The following VPS37D variants were observed in gnomAD, a reference collection of about 807,000 sequenced individuals.
The protein encoded by VPS37D is vacuolar protein sorting-associated protein 37D.
A neutral mutation model predicts 22.0 loss-of-function variants in VPS37D; 5 were observed. That is an observed-to-expected ratio of 0.23 (90% confidence interval 0.12 to 0.48). The LOEUF (loss-of-function observed/expected upper bound fraction) is 0.48, where lower values mean the gene tolerates loss of function less well. VPS37D is among the 20% of genes least tolerant of loss of function. The pLI is 0.99. For missense variants in VPS37D, 384 were observed against 345.8 expected (o/e 1.11, Z -0.88); for synonymous variants, 174 against 159.3 (o/e 1.09, Z -0.69).
upstream of VPS37D, among the ~76,000 whole-genome samples, chr7:73,667,639 T>G (rs1797405135): frequency 6.6e-6 from 1 of 151,690 alleles, no homozygotes. Context: ...CCAGGGCCGG[T>G]GCTGGGGCGC....
intron 3 of VPS37D, among the ~76,000 whole-genome samples, chr7:73,670,384 G>T (rs1797480478): frequency 1.3e-5 from 2 of 152,206 alleles, no homozygotes; most frequent in African/African-American, 4.8e-5. Context: ...TGCTGGGTTG[G>T]GAGTGCAGCG....
intron 3 of VPS37D, 137 bp from the exon 4 acceptor site, chr7:73,670,877 A>G: frequency 1.6e-6 from 2 of 1,265,840 alleles, no homozygotes; most frequent in Non-Finnish European, 2.1e-6. Flanking sequence ...AGGCAGGCCC[A>G]GGCTGGAACG....
chr7:73,670,024 A>C lies in VPS37D; in HGVS notation c.315A>C (p.Glu105Asp), dbSNP rs782135250. 2.1e-5 allele frequency: 32 copies of C among 1,551,454 alleles called. No homozygotes were observed. Among genetic ancestry groups the C allele is most frequent in the Non-Finnish European group, 2.8e-5 (32 of 1,146,944 alleles). Residue 105 changes from glutamate (E) to aspartate (D), a missense_variant, in exon 3 of 4, where the codon GAA becomes GAC. Transcript: ENST00000324941. ...CTGTCCCTCTGTGGCCCTCAGAGGA[A>C]AGCATGCATCGCTGGAGTCCCCACT... ...NCADKLQRLE[E>D]SMHRWSPHCA...
intron 1 of VPS37D, 42 bp from the exon 2 acceptor site, chr7:73,669,377 C>A: frequency 6.6e-7 from 1 of 1,512,594 alleles, no homozygotes. Context: ...GTGGACAGGG[C>A]AGATCCCCTG....
intron 1 of VPS37D, among the ~76,000 whole-genome samples, chr7:73,668,834 T>C (rs1360461697): frequency 1.3e-5 from 2 of 151,248 alleles, no homozygotes; most frequent in Admixed American, 6.6e-5. Flanking sequence ...AGGGGGTGTG[T>C]ATTCCTTGGG....
chr7:73,668,791 C>G (rs1797439653), intron 1 of VPS37D, among the ~76,000 whole-genome samples: 1 of 151,594 alleles, frequency 6.6e-6, no homozygotes, highest in African/African-American at 2.4e-5. Flanking sequence ...TCTCCAGGGC[C>G]GGGGCTGCTG....
Position 73,669,511 on chromosome 7 carries a change from G to C in VPS37D, c.231G>C (p.Met77Ile). The C allele has an allele frequency of 6.3e-7, 1 of 1,583,890 alleles. No individual in the cohort carries two copies. The highest frequency in any genetic ancestry group is 8.6e-7 in the Non-Finnish European group (1 of 1,165,254). The change falls in exon 2 of 4, where the codon ATG (methionine) becomes ATC (isoleucine). Residue 77 changes from methionine to isoleucine, a missense_variant. Coordinates refer to ENST00000324941, the MANE Select transcript of VPS37D (RefSeq NM_001077621.2). ...TGGCCCTGCGGCCCCGCCTGGAGAT[G>C]GGCCGGGCTGCCCTGGCCATCAAAT... ...ENLALRPRLE[M>I]GRAALAIKYQ...
chr7:73,666,271 C>T (rs1554608610), upstream of VPS37D, among the ~76,000 whole-genome samples: 1 of 152,132 alleles, frequency 6.6e-6, no homozygotes, highest in African/African-American at 2.4e-5. Flanking sequence ...CCATGAACTC[C>T]CTGAGGGCAG....
In VPS37D at chr7:73,668,048, G is replaced by C. The variant is rs782471043; in HGVS notation, c.90G>C (p.Leu30=). ...GILSTGQLRD[L]LQDEPKLDRI... ...TCAGCACCGGGCAGCTCCGGGACCTGCTTCAGGATGAGCCCAAGCTGGACC... is the reference window on the plus strand; with the variant it reads ...TCAGCACCGGGCAGCTCCGGGACCTCCTTCAGGATGAGCCCAAGCTGGACC... Residue 30 remains leucine, a synonymous_variant, in exon 1 of 4, where the codon CTG becomes CTC. Coordinates refer to ENST00000324941, the MANE Select transcript of VPS37D (RefSeq NM_001077621.2). 107 of 1,170,192 alleles carry C rather than the reference G, an allele frequency of 9.1e-5. No homozygotes were observed. In the Admixed American group the frequency reaches 9.7e-4, roughly 11 times the overall value. 72.5% of individuals were successfully genotyped at this position (1,170,192 alleles called of 1,614,324 possible).
At chr7:73,668,118 G>T in intron 1 of VPS37D, 22 bp downstream of exon 1, 1 of 1,083,450 alleles carries the variant, frequency 9.2e-7, no homozygotes, top group Non-Finnish European at 1.1e-6. Flanking sequence ...GGCTCGAGCG[G>T]GGGGCGCGGG....
chr7:73,669,975 C>T (rs1196159767), intron 2 of VPS37D, 45 bp from the exon 3 acceptor site: 142 of 1,551,156 alleles, frequency 9.2e-5, no homozygotes, highest in Non-Finnish European at 1.2e-4. Flanking sequence ...AGTGCAAGCC[C>T]GGGGCCCTGG....
chr7:73,667,028 A>G (rs1291236076), upstream of VPS37D, among the ~76,000 whole-genome samples: 1 of 141,002 alleles, frequency 7.1e-6, no homozygotes, highest in Non-Finnish European at 1.5e-5. Flanking sequence ...CCTGGAGTGC[A>G]GTGGCGCGAT....
chr7:73,668,146 C>T (rs1563538799), intron 1 of VPS37D, 50 bp downstream of exon 1: 3 of 1,031,554 alleles, frequency 2.9e-6, no homozygotes, highest in Non-Finnish European at 2.4e-6. Flanking sequence ...CAGCGGCCTG[C>T]GGGACCTGCC....
intron 1 of VPS37D, 28 bp downstream of exon 1, chr7:73,668,124 G>A: frequency 9.3e-7 from 1 of 1,077,052 alleles, no homozygotes; most frequent in Non-Finnish European, 1.1e-6. Context: ...AGCGGGGGGC[G>A]CGGGGGACGG....
rs781805435 is a variant in VPS37D at position 73,671,307 on chromosome 7, C to G, written c.687C>G (p.Pro229=). 28 of 1,387,568 alleles carry G rather than the reference C, an allele frequency of 2.0e-5. No individual in the cohort carries two copies. The highest frequency in any genetic ancestry group is 6.0e-5 in the Admixed American group (2 of 33,454). The allele number at this position is 1,387,568 out of a possible 1,614,324, so 86.0% of individuals were successfully genotyped here. A position where few individuals can be genotyped will look rare whatever the true frequency, so the allele number is the denominator to read the frequency against. Residue 229 remains proline (P), a synonymous_variant, in exon 4 of 4, where the codon CCC becomes CCG. Coordinates refer to ENST00000324941, the MANE Select transcript of VPS37D (RefSeq NM_001077621.2). ...SRPVPPLKGS[P]GCPLGPAPLL... is the part of the protein sequence containing the mutation. ...CAGTGCCCCCACTGAAGGGCTCCCC[C>G]GGGTGCCCCCTCGGCCCGGCCCCCC...
intron 3 of VPS37D, among the ~76,000 whole-genome samples, chr7:73,670,725 G>T (rs1339588455): frequency 6.6e-6 from 1 of 151,868 alleles, no homozygotes. Flanking sequence ...CAGGAGAATT[G>T]CTTGAACCCG....
chr7:73,671,085 C>A lies in VPS37D; in HGVS notation c.465C>A (p.Arg155=). The change falls in exon 4 of 4, where the codon CGC becomes CGA. Residue 155 remains arginine, a synonymous_variant. Coordinates refer to ENST00000324941, the MANE Select transcript of VPS37D (RefSeq NM_001077621.2). ...EAFLPAFQRG[R]ALAHLRRTQA... ...TCCTGCCTGCCTTCCAGCGTGGCCG[C>A]GCCCTGGCCCACCTGAGGCGGACGC... The A allele has an allele frequency of 6.2e-7, 1 of 1,611,216 alleles. No homozygotes were observed. Among genetic ancestry groups the A allele is most frequent in the Non-Finnish European group, 8.5e-7 (1 of 1,179,654 alleles).
intron 3 of VPS37D, among the ~76,000 whole-genome samples, chr7:73,670,441 A>G (rs1336806603): frequency 6.6e-6 from 1 of 152,180 alleles, no homozygotes; most frequent in Admixed American, 6.5e-5. Context: ...TGTTAAGTCT[A>G]TACTTCACAT....
chr7:73,671,419 T>C lies in VPS37D; in HGVS notation c.*43T>C, dbSNP rs1398060916. ...CCCAGTTGGGGGGCCTAGACAAACT[T>C]GATGCGTGGCTCCTCCTCCTCCCCC... is the stretch of plus-strand genomic sequence containing the variant. On this transcript the variant is annotated 3_prime_UTR_variant, in exon 4 of 4. Coordinates refer to ENST00000324941, the MANE Select transcript of VPS37D (RefSeq NM_001077621.2). 2.4e-6 allele frequency: 3 copies of C among 1,233,160 alleles called. No individual in the cohort carries two copies. The highest frequency in any genetic ancestry group is 3.2e-5 in the African/African-American group (2 of 62,566). 76.4% of individuals were successfully genotyped at this position (1,233,160 alleles called of 1,614,324 possible).
Sources: allele counts gnomAD v4.1 joint callset (sites outside exome capture counted in the v4.1 genomes callset), GRCh38; gene constraint gnomAD v4.1.1; transcripts MANE v1.5; gene names NCBI Gene and HGNC (gene_info 2026-07-23, HGNC 2026-07-21).